The following VWA3B variants were observed in gnomAD, a reference collection of about 807,000 sequenced individuals.
VWA3B encodes von Willebrand factor A domain containing 3B, also known as von Willebrand factor A domain-containing protein 3B.
Under a neutral mutation model 158.3 loss-of-function variants are expected in VWA3B, and 138 were observed. The ratio of observed to expected loss-of-function variants is 0.87; its 90% CI spans 0.76 to 1.00. VWA3B has a LOEUF of 1.00. Ranked by LOEUF, VWA3B falls within the 50% of genes least tolerant of loss-of-function variation. The pLI, the probability that VWA3B is intolerant of heterozygous loss-of-function variation, is 0.00. For synonymous variants in VWA3B, 596 were observed against 587.3 expected (o/e 1.01, Z -0.21); for missense variants, 1,555 against 1,565.1 (o/e 0.99, Z 0.11).
chr2:98,151,124 T>C (rs1677590407), intron 7 of VWA3B, among the ~76,000 whole-genome samples: 1 of 152,096 alleles, frequency 6.6e-6, no homozygotes, highest in Non-Finnish European at 1.5e-5. Context: ...TGCTAATTTT[T>C]TTTTTTTTTT....
chr2:98,099,681 A>G (rs1682952001), intron 2 of VWA3B, among the ~76,000 whole-genome samples: 2 of 152,054 alleles, frequency 1.3e-5, no homozygotes, highest in Admixed American at 6.6e-5. Flanking sequence ...CCCCTTTATC[A>G]TTCTCTACTC....
At position 98,200,569 on chromosome 2, in the gene VWA3B, T is replaced by C. The variant is rs1206077741; in HGVS notation, c.1737+6077T>C. On this transcript the variant is annotated intron_variant, in intron 12 of 27. Transcript: ENST00000477737. Reference sequence around the variant, plus strand: ...AAAAAAAAAAAAAAAAAAGACTGACTTTCTTCATGTATTCTGCACATAAAC... The same window carrying C: ...AAAAAAAAAAAAAAAAAAGACTGACCTTCTTCATGTATTCTGCACATAAAC... Among the ~76,000 whole-genome samples the C allele has an allele frequency of 1.3e-5, 2 of 151,912 alleles. 1 individual carries two copies. Among genetic ancestry groups the C allele is most frequent in the African/African-American group, 4.8e-5 (2 of 41,366 alleles).
chr2:98,262,001 G>A (rs1295491384), intron 21 of VWA3B, among the ~76,000 whole-genome samples: 1 of 151,480 alleles, frequency 6.6e-6, no homozygotes, highest in Non-Finnish European at 1.5e-5. Flanking sequence ...TGGATATGAA[G>A]GATATCTCAT....
At chr2:98,195,093 AT>A (rs1380546331) in intron 12 of VWA3B, among the ~76,000 whole-genome samples, 1 of 152,232 alleles carries the variant, frequency 6.6e-6, no homozygotes. Context: ...AGCATATAGC[AT>A]TGCGAACTTC....
chr2:98,115,083 G>A (rs1051429404), intron 2 of VWA3B, among the ~76,000 whole-genome samples: 7 of 149,034 alleles, frequency 4.7e-5, no homozygotes, highest in African/African-American at 9.9e-5. Flanking sequence ...TCCAAGTCAC[G>A]AATAACTTCC....
At chr2:98,171,515 G>C (rs1679581855) in intron 8 of VWA3B, among the ~76,000 whole-genome samples, 1 of 152,082 alleles carries the variant, frequency 6.6e-6, no homozygotes, top group Non-Finnish European at 1.5e-5. Context: ...GAAAAGAGGA[G>C]TGTGGCTGGA....
chr2:98,132,411 G>A (rs900338458), intron 6 of VWA3B, among the ~76,000 whole-genome samples: 4 of 152,180 alleles, frequency 2.6e-5, no homozygotes, highest in African/African-American at 7.2e-5. Flanking sequence ...CAGGTTGCAG[G>A]AGGCTGCCTG....
At chr2:98,122,017 T>C (rs1332908134) in intron 5 of VWA3B, 1 of 152,452 alleles carries the variant, frequency 6.6e-6, no homozygotes. Context: ...AGCTGATGAC[T>C]CCATCCATTT....
chr2:98,238,790 G>A (rs1030591964), intron 19 of VWA3B, among the ~76,000 whole-genome samples: 5 of 152,046 alleles, frequency 3.3e-5, no homozygotes, highest in African/African-American at 1.2e-4. Flanking sequence ...TCAGTATAAA[G>A]CACCGTGTTT....
chr2:98,200,278 C>T (rs1465392619), intron 12 of VWA3B, among the ~76,000 whole-genome samples: 3 of 152,104 alleles, frequency 2.0e-5, no homozygotes, highest in Non-Finnish European at 4.4e-5. Context: ...CACGGTGGCT[C>T]ACGCCTGTAA....
chr2:98,176,869 G>A (rs1012449708), intron 8 of VWA3B, among the ~76,000 whole-genome samples: 1 of 152,212 alleles, frequency 6.6e-6, no homozygotes, highest in Non-Finnish European at 1.5e-5. Flanking sequence ...TGCAGTGGAA[G>A]CAGTTTCTGT....
the VWA3B span, among the ~76,000 whole-genome samples, chr2:98,321,980 G>A: frequency 2.4e-4 from 37 of 152,246 alleles, no homozygotes; most frequent in Non-Finnish European, 4.3e-4. Context: ...TTGTGATAGG[G>A]ATAAGTCTCA....
intron 8 of VWA3B, among the ~76,000 whole-genome samples, chr2:98,163,255 TTGGGCCGGGCGCGG>T (rs1471565492): frequency 6.6e-6 from 1 of 152,084 alleles, no homozygotes; most frequent in African/African-American, 2.4e-5. Context: ...AAACAGATGC[TTGGGCCGGGCGCGG>T]TGGCTCACAC....
chr2:98,143,007 C>T (rs1400666415), intron 7 of VWA3B, among the ~76,000 whole-genome samples: 2 of 151,944 alleles, frequency 1.3e-5, no homozygotes, highest in African/African-American at 2.4e-5. Context: ...TAAATCAAAA[C>T]GATAATACGT....
intron 8 of VWA3B, chr2:98,179,260 C>T (rs937124621): frequency 6.2e-5 from 29 of 471,166 alleles, no homozygotes; most frequent in East Asian, 3.5e-4. Flanking sequence ...TTCCAAGTTT[C>T]GAGTCATCTG....
Position 98,148,022 on chromosome 2 carries a change from C to T in VWA3B, c.988+14083C>T, listed in dbSNP as rs533406744. ...ATGGTTTCCAGCTTCATCCATGTCCCTACAAAGGACAGGAACTCATCCTTT... is the reference window on the plus strand; with the variant it reads ...ATGGTTTCCAGCTTCATCCATGTCCTTACAAAGGACAGGAACTCATCCTTT... On this transcript the variant is annotated intron_variant, in intron 7 of 27. Transcript: ENST00000477737. 2.0e-5 allele frequency among the ~76,000 whole-genome samples: 3 copies of T among 152,244 alleles called. No individual in the cohort carries two copies. In the East Asian group the frequency reaches 5.8e-4, roughly 29 times the overall value.
chr2:98,324,266 C>T, the VWA3B span, among the ~76,000 whole-genome samples: 3 of 152,002 alleles, frequency 2.0e-5, no homozygotes, highest in Non-Finnish European at 2.9e-5. Context: ...AAGTTCAAAC[C>T]ATTCTCCTGC....
At chr2:98,112,679 G>GT (rs201999537) in intron 2 of VWA3B, among the ~76,000 whole-genome samples, 2,037 of 151,162 alleles carry the variant, frequency 0.013, 27 homozygotes, top group Non-Finnish European at 0.022. Flanking sequence ...GATCTGTAGG[G>GT]TTTTTTTTAA....
intron 2 of VWA3B, among the ~76,000 whole-genome samples, chr2:98,108,479 A>G (rs1673852365): frequency 6.6e-6 from 1 of 151,972 alleles, no homozygotes; most frequent in Non-Finnish European, 1.5e-5. Context: ...GGATTTGTCT[A>G]TTTCTTCTTT....
Sources: allele counts gnomAD v4.1 joint callset (sites outside exome capture counted in the v4.1 genomes callset), GRCh38; gene constraint gnomAD v4.1.1; transcripts MANE v1.5; gene names NCBI Gene and HGNC (gene_info 2026-07-23, HGNC 2026-07-21).